The following PHLDB1 variants were observed in gnomAD, a reference collection of about 807,000 sequenced individuals.
PHLDB1 encodes pleckstrin homology like domain family B member 1, also known as pleckstrin homology-like domain family B member 1.
Under a neutral mutation model 139.3 loss-of-function variants are expected in PHLDB1, and 65 were observed. The ratio of observed to expected loss-of-function variants is 0.47; its 90% CI spans 0.38 to 0.57. PHLDB1 has a LOEUF of 0.57. Ranked by LOEUF, PHLDB1 falls within the 20% of genes least tolerant of loss-of-function variation. The probability of loss-of-function intolerance (pLI) is 0.00; values close to 1 mark genes in which losing one functional copy is unlikely to be tolerated. For missense variants in PHLDB1, 1,624 were observed against 1,839.7 expected (o/e 0.88, Z 2.14); for synonymous variants, 679 against 734.5 (o/e 0.92, Z 1.22).
At chr11:118,656,488 T>TG (rs1283968944) in intron 22 of PHLDB1, among the ~76,000 whole-genome samples, 195 bp from the exon 23 acceptor site, 1 of 152,198 alleles carries the variant, frequency 6.6e-6, no homozygotes, top group Admixed American at 6.5e-5. Flanking sequence ...AGCCCAGGAC[T>TG]GCTGTGGTGT....
upstream of PHLDB1, among the ~76,000 whole-genome samples, chr11:118,607,214 GT>G (rs1438407082): frequency 6.8e-6 from 1 of 147,320 alleles, no homozygotes; most frequent in African/African-American, 2.5e-5. Flanking sequence ...AGAGGGGAGA[GT>G]TTGGGGGAGG....
intron 1 of PHLDB1, among the ~76,000 whole-genome samples, chr11:118,609,536 T>TCA (rs1485277154): frequency 7.1e-6 from 1 of 140,518 alleles, no homozygotes; most frequent in Non-Finnish European, 1.5e-5. Flanking sequence ...GCAGCCCCAG[T>TCA]CACACACACA....
At chr11:118,621,913 C>T (rs1207308606) in intron 4 of PHLDB1, among the ~76,000 whole-genome samples, 2 of 152,164 alleles carry the variant, frequency 1.3e-5, no homozygotes, top group African/African-American at 4.8e-5. Flanking sequence ...TCCCTTCACT[C>T]GGTCTCCCTT....
chr11:118,635,674 T>G, intron 10 of PHLDB1, 126 bp downstream of exon 10: 1 of 835,530 alleles, frequency 1.2e-6, no homozygotes, highest in Non-Finnish European at 1.8e-6. Flanking sequence ...AAAATGAGAA[T>G]TACAACAGGT....
At position 118,642,394 on chromosome 11, in the gene PHLDB1, G is replaced by A. The variant is rs1946712157; in HGVS notation, c.2877G>A (p.Gln959=). The A allele has an allele frequency of 6.2e-7, 1 of 1,607,308 alleles. No homozygotes were observed. The highest frequency in any genetic ancestry group is 1.3e-5 in the African/African-American group (1 of 74,900). ...PLPAKASRQL[Q]VYRSKMDGEA... is the part of the protein sequence containing the mutation. ...CCGCCAAAGCTTCCCGTCAGCTGCAGGTAACCCCTCCTTCACTGCCCGTCC... is the reference window on the plus strand; with the variant it reads ...CCGCCAAAGCTTCCCGTCAGCTGCAAGTAACCCCTCCTTCACTGCCCGTCC... Residue 959 remains glutamine (Q), a splice_region_variant and synonymous_variant, in exon 13 of 23, where the codon CAG becomes CAA. Transcript: ENST00000600882.
rs67219463 is a variant in PHLDB1 at position 118,632,991 on chromosome 11, CTTTT to C, written c.2379+707_2379+710del. Reference sequence around the variant, plus strand: ...TGAGAATCTTAAAAATTCTTTGACCCTTTTTTTTTTTTTTTGGAGCTTTGGCTCT... The same window carrying C: ...TGAGAATCTTAAAAATTCTTTGACCCTTTTTTTTTTTGGAGCTTTGGCTCT... On this transcript the variant is annotated intron_variant, in intron 9 of 22. Coordinates refer to ENST00000600882, the MANE Select transcript of PHLDB1 (RefSeq NM_001144758.3). This position sits in a 1 kb window ranked among gnomAD's most constrained non-coding sequence, Gnocchi z 5.9. 1.3e-4 allele frequency: 23 copies of C among 178,928 alleles called. No individual in the cohort carries two copies. The highest frequency in any genetic ancestry group is 2.1e-4 in the Non-Finnish European group (21 of 100,546). The allele number at this position is 178,928 out of a possible 1,614,324, so 11.1% of individuals were successfully genotyped here.
At chr11:118,627,179 C>G in intron 5 of PHLDB1, 126 bp from the exon 6 acceptor site, 1 of 919,522 alleles carries the variant, frequency 1.1e-6, no homozygotes, top group Non-Finnish European at 1.7e-6. Flanking sequence ...GGTACCAGAA[C>G]CACATCTCCT....
Position 118,645,601 on chromosome 11 carries a change from A to G in PHLDB1, c.3367A>G (p.Ser1123Gly), listed in dbSNP as rs782532095. 7.6e-5 allele frequency: 122 copies of G among 1,613,520 alleles called. 1 individual carries two copies. The South Asian group carries it at 1.3e-3, about 17-fold the overall frequency. ...GGAGAGCTCTGACAGCATGGAGACCAGCATCTCCACCGGGGGCAACTCGGC... is the reference window on the plus strand; with the variant it reads ...GGAGAGCTCTGACAGCATGGAGACCGGCATCTCCACCGGGGGCAACTCGGC... ...SLESSDSMETSISTGGNSACS... is the reference protein window; with the variant it reads ...SLESSDSMETGISTGGNSACS... The change falls in exon 16 of 23, where the codon AGC (serine) becomes GGC (glycine). Residue 1123 changes from serine to glycine, a missense_variant. Coordinates refer to ENST00000600882, the MANE Select transcript of PHLDB1 (RefSeq NM_001144758.3). The surrounding 1 kb of genome is among the most constrained non-coding windows in gnomAD (Gnocchi z 5.1).
chr11:118,639,522 G>T, intron 12 of PHLDB1: 35 of 413,148 alleles, frequency 8.5e-5, no homozygotes, highest in East Asian at 2.5e-4. Context: ...AGGGGCCTGG[G>T]TTGGGTGGGT....
intron 7 of PHLDB1, 148 bp from the exon 8 acceptor site, chr11:118,631,765 G>T (rs962221122): frequency 1.0e-6 from 1 of 972,388 alleles, no homozygotes; most frequent in Non-Finnish European, 1.5e-6. Flanking sequence ...CCCCTCAAAG[G>T]TGGGGGTTGC....
At position 118,622,284 on chromosome 11, in the gene PHLDB1, A is replaced by G. The variant is rs141471638; in HGVS notation, c.356-2650A>G. On this transcript the variant is annotated intron_variant, in intron 4 of 22. Coordinates refer to ENST00000600882, the MANE Select transcript of PHLDB1 (RefSeq NM_001144758.3). ...GTGGGCAGAGAGGAGGCTTCTTCCC[A>G]GAAACAGGCTGGCCAGACCCCTGGG... is the stretch of plus-strand genomic sequence containing the variant. Among the ~76,000 whole-genome samples the G allele has an allele frequency of 5.1e-3, 781 of 152,272 alleles. 8 individuals are homozygous for G. Among genetic ancestry groups the G allele is most frequent in the African/African-American group, 0.018 (749 of 41,550 alleles).
chr11:118,631,092 T>C lies in PHLDB1; in HGVS notation c.1828-115T>C, dbSNP rs193275159. ...CAGGCCTCTCCTGACTTGACACTGA[T>C]GTCCTAGCCCCCTGTAACCCTGCTC... On this transcript the variant is annotated intron_variant, in intron 6 of 22. Coordinates refer to ENST00000600882, the MANE Select transcript of PHLDB1 (RefSeq NM_001144758.3). 41 of 915,250 alleles carry C rather than the reference T, an allele frequency of 4.5e-5. No homozygotes were observed. In the African/African-American group the frequency reaches 7.0e-4, roughly 16 times the overall value. 56.7% of individuals were successfully genotyped at this position (915,250 alleles called of 1,614,324 possible).
At chr11:118,649,158 T>C (rs1555133244) in intron 18 of PHLDB1, among the ~76,000 whole-genome samples, 2 of 152,066 alleles carry the variant, frequency 1.3e-5, no homozygotes, top group Admixed American at 1.3e-4. Flanking sequence ...CACACACCTG[T>C]AATCCTAGCT....
chr11:118,627,393 G>A lies in PHLDB1; in HGVS notation c.570G>A (p.Val190=), dbSNP rs147553703. The A allele has an allele frequency of 2.5e-6, 4 of 1,614,078 alleles. No homozygotes were observed. Among genetic ancestry groups the A allele is most frequent in the Admixed American group, 1.7e-5 (1 of 60,012 alleles). Residue 190 remains valine (V), a synonymous_variant, in exon 6 of 23, where the codon GTG becomes GTA. Coordinates refer to ENST00000600882, the MANE Select transcript of PHLDB1 (RefSeq NM_001144758.3). ...CCTGTGCCAGCCACAGTTCCCTGGT[G>A]AGCTCTATTGAGAAGGACCTGCAAG... ...PSACASHSSL[V]SSIEKDLQEI... is the part of the protein sequence containing the mutation.
chr11:118,606,744 T>C (rs1336103979), upstream of PHLDB1: 2 of 152,194 alleles, frequency 1.3e-5, no homozygotes, highest in African/African-American at 2.4e-5. Context: ...CCTAGCTCAA[T>C]TTGGGGGCTG....
intron 13 of PHLDB1, among the ~76,000 whole-genome samples, 176 bp downstream of exon 13, chr11:118,642,570 G>T (rs1946755096): frequency 6.6e-6 from 1 of 152,264 alleles, no homozygotes; most frequent in African/African-American, 2.4e-5. Flanking sequence ...ATCCTGGCAT[G>T]TGGGCAACCG....
intron 5 of PHLDB1, 129 bp downstream of exon 5, chr11:118,625,188 G>GC: frequency 4.5e-6 from 5 of 1,108,442 alleles, no homozygotes; most frequent in Non-Finnish European, 6.2e-6. Context: ...ACTGCCACCT[G>GC]CCATGGGCGG....
rs781943371 is a variant in PHLDB1 at position 118,645,813 on chromosome 11, C to T, written c.3495C>T (p.Leu1165=). Residue 1165 remains leucine, a synonymous_variant, in exon 17 of 23, where the codon CTC becomes CTT. Coordinates refer to ENST00000600882, the MANE Select transcript of PHLDB1 (RefSeq NM_001144758.3). This position sits in a 1 kb window ranked among gnomAD's most constrained non-coding sequence, Gnocchi z 5.1. ...AGGCTCATGCAGAGAAGAACCGGCT[C>T]ATGGAGTCGAGGGTGAGTCTGACCT... is the stretch of plus-strand genomic sequence containing the variant. ...LKEAHAEKNR[L]MESREREMEL... is the part of the protein sequence containing the mutation. 6 of 1,610,418 alleles carry T rather than the reference C, an allele frequency of 3.7e-6. No homozygotes were observed. Among genetic ancestry groups the T allele is most frequent in the Middle Eastern group, 1.7e-4 (1 of 6,060 alleles).
At chr11:118,630,027 G>GT in intron 6 of PHLDB1, 3 of 1,250,102 alleles carry the variant, frequency 2.4e-6, no homozygotes, top group Non-Finnish European at 3.1e-6. Context: ...GCTCTGTTCC[G>GT]GTTTTTTTTT....
Sources: gnomAD v4.1 joint callset for allele counts (sites outside exome capture counted in the v4.1 genomes callset) on GRCh38, gnomAD v4.1.1 for gene constraint, Gnocchi (gnomAD v3.1) non-coding constraint, MANE v1.5 for transcripts, NCBI Gene and HGNC (gene_info 2026-07-23, HGNC 2026-07-21) for gene names.